The following GABRB2 variants were observed in gnomAD, a reference collection of about 807,000 sequenced individuals.
GABRB2 encodes gamma-aminobutyric acid receptor subunit beta-2.
A neutral mutation model predicts 54.7 loss-of-function variants in GABRB2; 16 were observed. The observed-to-expected ratio is 0.29, with a 90% CI of 0.20 to 0.44. The LOEUF is 0.44. Among genes scored for constraint, GABRB2 ranks in the 20% least tolerant of loss-of-function variants. The pLI, the probability that GABRB2 is intolerant of heterozygous loss-of-function variation, is 1.00. For missense variants in GABRB2, 355 were observed against 644.0 expected (o/e 0.55, Z 4.86); for synonymous variants, 244 against 233.8 (o/e 1.04, Z -0.40).
At chr5:161,532,431 C>T (rs948596244) in intron 3 of GABRB2, among the ~76,000 whole-genome samples, 1 of 152,090 alleles carries the variant, frequency 6.6e-6, no homozygotes, top group African/African-American at 2.4e-5. Flanking sequence ...AACAGCGATC[C>T]TCCCAGAGAC....
chr5:161,535,048 A>C (rs899267419), intron 3 of GABRB2, among the ~76,000 whole-genome samples: 16 of 152,184 alleles, frequency 1.1e-4, no homozygotes, highest in Middle Eastern at 3.2e-3. Flanking sequence ...ATTTACCATA[A>C]ATTTTTGACA....
chr5:161,547,287 A>C (rs1314147008), upstream of GABRB2, among the ~76,000 whole-genome samples: 1 of 88,104 alleles, frequency 1.1e-5, no homozygotes, highest in Non-Finnish European at 2.0e-5. Flanking sequence ...AACCAATGGG[A>C]GGAATGCTGA....
chr5:161,377,792 T>G (rs942719465), intron 5 of GABRB2, among the ~76,000 whole-genome samples: 7 of 152,062 alleles, frequency 4.6e-5, no homozygotes, highest in Non-Finnish European at 7.4e-5. Context: ...TTTATTAAAT[T>G]TATAAACCAG....
chr5:161,408,784 A>C (rs1408955259), intron 5 of GABRB2, among the ~76,000 whole-genome samples: 4 of 151,956 alleles, frequency 2.6e-5, no homozygotes, highest in African/African-American at 9.7e-5. Context: ...GGGAGAGCTG[A>C]GATGGGAAAG....
chr5:161,446,392 C>A (rs1186192280), intron 4 of GABRB2, among the ~76,000 whole-genome samples: 1 of 152,104 alleles, frequency 6.6e-6, no homozygotes, highest in Admixed American at 6.6e-5. Context: ...GAACACTGTA[C>A]AGACATTCCT....
chr5:161,546,849 T>C (rs1263998376), upstream of GABRB2: 2 of 1,070,946 alleles, frequency 1.9e-6, no homozygotes, highest in African/African-American at 3.2e-5. Context: ...AACATGTATA[T>C]GTATAATACA....
At chr5:161,459,555 T>G in intron 4 of GABRB2, 69 bp downstream of exon 4, 1 of 1,269,614 alleles carries the variant, frequency 7.9e-7, no homozygotes, top group Non-Finnish European at 1.1e-6. Context: ...AGCACAATAT[T>G]TCCATCCAAT....
At chr5:161,410,861 G>C (rs1464344837) in intron 5 of GABRB2, 114 bp downstream of exon 5, 4 of 688,280 alleles carry the variant, frequency 5.8e-6, no homozygotes, top group Non-Finnish European at 9.8e-6. Flanking sequence ...AAATTTAGTT[G>C]GGCTAGCAGA....
intron 4 of GABRB2, among the ~76,000 whole-genome samples, chr5:161,456,359 G>A (rs572257494): frequency 6.6e-6 from 1 of 152,192 alleles, no homozygotes; most frequent in African/African-American, 2.4e-5. Context: ...ACCTTTCATA[G>A]AAGACTCAGG....
chr5:161,293,727 T>A lies in GABRB2; in HGVS notation c.*354A>T. The A allele has an allele frequency of 4.7e-6, 1 of 210,658 alleles. No individual in the cohort carries two copies. Among genetic ancestry groups the A allele is most frequent in the Non-Finnish European group, 9.6e-6 (1 of 104,406 alleles). The allele number at this position is 210,658 out of a possible 1,614,324, so 13.0% of individuals were successfully genotyped here. ...ACCTTAAAAAGGAAGATGAGGAGTA[T>A]CTGGTTATGACCAAATGACTGACAA... On this transcript the variant is annotated 3_prime_UTR_variant, in exon 10 of 10. Transcript: ENST00000393959.
At chr5:161,326,169 C>T (rs1215121803) in intron 9 of GABRB2, among the ~76,000 whole-genome samples, 199 bp downstream of exon 9, 3 of 152,138 alleles carry the variant, frequency 2.0e-5, no homozygotes, top group Non-Finnish European at 4.4e-5. Context: ...AGCTTAGGTT[C>T]ACCAAAGCTA....
chr5:161,543,770 A>G (rs1034685823), intron 3 of GABRB2, among the ~76,000 whole-genome samples: 2 of 152,228 alleles, frequency 1.3e-5, no homozygotes, highest in Admixed American at 1.3e-4. Flanking sequence ...GAATATTTGT[A>G]TATCTGAGAA....
At chr5:161,376,882 A>C (rs1166012479) in intron 5 of GABRB2, among the ~76,000 whole-genome samples, 1 of 152,076 alleles carries the variant, frequency 6.6e-6, no homozygotes, top group Non-Finnish European at 1.5e-5. Context: ...ATGTTTGAAA[A>C]GGTAGCTTGG....
intron 3 of GABRB2, among the ~76,000 whole-genome samples, chr5:161,486,583 A>AG (rs1481170571): frequency 6.6e-6 from 1 of 151,912 alleles, no homozygotes; most frequent in Non-Finnish European, 1.5e-5. Flanking sequence ...TTAGTCTGGA[A>AG]GGATGGCACA....
chr5:161,362,614 T>C (rs1754847817), intron 5 of GABRB2, among the ~76,000 whole-genome samples: 1 of 152,052 alleles, frequency 6.6e-6, no homozygotes, highest in South Asian at 2.1e-4. Context: ...GGGAGAAAAT[T>C]TTCGCAATCT....
At chr5:161,397,689 A>G (rs1456992365) in intron 5 of GABRB2, among the ~76,000 whole-genome samples, 1 of 152,232 alleles carries the variant, frequency 6.6e-6, no homozygotes, top group Non-Finnish European at 1.5e-5. Context: ...TGAAAGGGAC[A>G]GAAGAATCAC....
At chr5:161,548,350 G>A (rs1326067604), upstream of GABRB2, 1 of 152,274 alleles carries the variant, frequency 6.6e-6, no homozygotes, top group Non-Finnish European at 1.5e-5. Context: ...CCGTCCGAAG[G>A]AACCGGAGTC....
intron 5 of GABRB2, among the ~76,000 whole-genome samples, chr5:161,371,758 G>T (rs1755138800): frequency 6.6e-6 from 1 of 152,000 alleles, no homozygotes; most frequent in African/African-American, 2.4e-5. Flanking sequence ...GTCTCACTCT[G>T]TAGCCCAGGC....
rs1276030405 is a variant in GABRB2, at chr5:161,370,954, A to G, written c.542-34185T>C. Among the ~76,000 whole-genome samples the G allele has an allele frequency of 2.0e-5, 3 of 152,202 alleles. No homozygotes were observed. In the East Asian group the frequency reaches 5.8e-4, roughly 29 times the overall value. ...CCAGAGAGCAAGAAATAATGTTCCT[A>G]ACCTGTTTTTCAAAAAATCATGTAG... is the stretch of plus-strand genomic sequence containing the variant. On this transcript the variant is annotated intron_variant, in intron 5 of 9. Coordinates refer to ENST00000393959, the MANE Select transcript of GABRB2 (RefSeq NM_001371727.1).
Sources: gnomAD v4.1 joint callset for allele counts (sites outside exome capture counted in the v4.1 genomes callset) on GRCh38, gnomAD v4.1.1 for gene constraint, MANE v1.5 for transcripts, NCBI Gene and HGNC (gene_info 2026-07-23, HGNC 2026-07-21) for gene names.